The following ZNF486 variants were observed in gnomAD, a reference collection of about 807,000 sequenced individuals.
The protein encoded by ZNF486 is zinc finger protein 486.
A neutral mutation model predicts 12.8 loss-of-function variants in ZNF486; 12 were observed. The ratio of observed to expected loss-of-function variants is 0.94; its 90% confidence interval spans 0.60 to 1.52. The LOEUF is 1.52. Among genes scored for constraint, ZNF486 ranks in the 40% most tolerant of loss-of-function variants. ZNF486 has a pLI of 0.00. For synonymous variants in ZNF486, 231 were observed against 184.9 expected (o/e 1.25, Z -2.02); for missense variants, 738 against 545.0 (o/e 1.35, Z -3.53).
chr19:20,180,737 G>A (rs1056498929), intron 1 of ZNF486, among the ~76,000 whole-genome samples: 17 of 151,990 alleles, frequency 1.1e-4, no homozygotes, highest in African/African-American at 4.1e-4. Context: ...CTGTGGTCAG[G>A]CTGGTCTTGA....
At chr19:20,168,932 C>T (rs1247150576) in intron 1 of ZNF486, among the ~76,000 whole-genome samples, 1 of 151,922 alleles carries the variant, frequency 6.6e-6, no homozygotes, top group South Asian at 2.1e-4. Flanking sequence ...CCTCCGCCTC[C>T]GGGGTTCAAG....
chr19:20,175,123 TCTG>T (rs2089691346), intron 1 of ZNF486: 1 of 152,156 alleles, frequency 6.6e-6, no homozygotes, highest in Non-Finnish European at 1.5e-5. Context: ...TAAAAATTCT[TCTG>T]AAAATCTGCC....
intron 3 of ZNF486, among the ~76,000 whole-genome samples, chr19:20,195,419 T>G (rs782312027): frequency 6.6e-6 from 1 of 152,194 alleles, no homozygotes; most frequent in African/African-American, 2.4e-5. Flanking sequence ...TTTCCCACCT[T>G]GATCTTCCAG....
At chr19:20,186,430 A>G (rs2122660995) in intron 3 of ZNF486, among the ~76,000 whole-genome samples, 1 of 152,160 alleles carries the variant, frequency 6.6e-6, no homozygotes, top group Middle Eastern at 3.4e-3. Context: ...GAGAAACTAA[A>G]ACCCTTTTTT....
chr19:20,197,844 C>T lies in ZNF486; in HGVS notation c.1134C>T (p.Tyr378=). ...HKIIHTGEKP[Y]KCEECGKAFT... ...TAATTCATACTGGAGAGAAACCATA[C>T]AAATGTGAAGAATGTGGCAAAGCCT... The change falls in exon 4 of 4, where the codon TAC becomes TAT. Residue 378 remains tyrosine, a synonymous_variant. Coordinates refer to ENST00000335117, the MANE Select transcript of ZNF486 (RefSeq NM_052852.4). 6.2e-7 allele frequency: 1 copy of T among 1,613,414 alleles called. No homozygotes were observed. The highest frequency in any genetic ancestry group is 8.5e-7 in the Non-Finnish European group (1 of 1,179,930).
intron 3 of ZNF486, among the ~76,000 whole-genome samples, chr19:20,186,333 G>T (rs1035953746): frequency 3.3e-5 from 5 of 152,118 alleles, no homozygotes; most frequent in Admixed American, 2.0e-4. Flanking sequence ...CAGTGAGAGC[G>T]AAATTCCTCT....
At chr19:20,185,196 A>G (rs2089829075) in intron 2 of ZNF486, among the ~76,000 whole-genome samples, 1 of 152,078 alleles carries the variant, frequency 6.6e-6, no homozygotes, top group Non-Finnish European at 1.5e-5. Context: ...CTCTTCGTAG[A>G]TTTTTATTGT....
At chr19:20,194,258 T>C (rs1356552846) in intron 3 of ZNF486, among the ~76,000 whole-genome samples, 1 of 152,248 alleles carries the variant, frequency 6.6e-6, no homozygotes, top group Admixed American at 6.5e-5. Flanking sequence ...CTTTGATGTG[T>C]ATGGTGTATG....
At chr19:20,195,530 G>T (rs1013352289) in intron 3 of ZNF486, among the ~76,000 whole-genome samples, 1 of 152,024 alleles carries the variant, frequency 6.6e-6, no homozygotes, top group Admixed American at 6.6e-5. Flanking sequence ...CTTTTGAAAA[G>T]TTTATAATTT....
chr19:20,168,397 G>A (rs2089608823), intron 1 of ZNF486, among the ~76,000 whole-genome samples: 1 of 152,196 alleles, frequency 6.6e-6, no homozygotes, highest in Non-Finnish European at 1.5e-5. Flanking sequence ...GCTCACGCCT[G>A]TAATCCCAGC....
chr19:20,196,337 AT>A (rs1410903692), intron 3 of ZNF486, among the ~76,000 whole-genome samples: 7 of 151,576 alleles, frequency 4.6e-5, no homozygotes, highest in Non-Finnish European at 1.0e-4. Context: ...TTAAAAAAAA[AT>A]TTTTTTTTGA....
intron 1 of ZNF486, among the ~76,000 whole-genome samples, chr19:20,174,481 C>T (rs143559512): frequency 3.3e-4 from 50 of 152,022 alleles, no homozygotes; most frequent in South Asian, 8.3e-4. Context: ...TGCTGCCTCC[C>T]GGGTTCAAGC....
In ZNF486 at chr19:20,196,393, A is replaced by G. The variant is rs145692048; in HGVS notation, c.254-571A>G. Among the ~76,000 whole-genome samples the G allele has an allele frequency of 6.5e-3, 983 of 152,244 alleles. 13 individuals are homozygous for G. The highest frequency in any genetic ancestry group is 0.021 in the African/African-American group (873 of 41,530). ...GCCCAGGCCGGAGTGCAGTGGTGCA[A>G]TCTTGGCTTACTGCAACCTCCGTCT... On this transcript the variant is annotated intron_variant, in intron 3 of 3. Coordinates refer to ENST00000335117, the MANE Select transcript of ZNF486 (RefSeq NM_052852.4).
intron 1 of ZNF486, among the ~76,000 whole-genome samples, chr19:20,172,354 G>A (rs1254600123): frequency 6.6e-6 from 1 of 150,636 alleles, no homozygotes; most frequent in African/African-American, 2.5e-5. Context: ...TGCCCAGACT[G>A]GATTGCAATA....
intron 1 of ZNF486, among the ~76,000 whole-genome samples, chr19:20,181,676 C>T (rs1280939060): frequency 6.6e-6 from 1 of 152,102 alleles, no homozygotes; most frequent in African/African-American, 2.4e-5. Flanking sequence ...AGTAGTTGCT[C>T]CACAAGTCAC....
intron 3 of ZNF486, among the ~76,000 whole-genome samples, chr19:20,186,483 A>G (rs1254918213): frequency 1.3e-5 from 2 of 152,062 alleles, no homozygotes; most frequent in East Asian, 3.9e-4. Context: ...TGACAGTATT[A>G]GTTTTTGTTG....
Position 20,199,329 on chromosome 19 carries a change from T to A in ZNF486, c.*1227T>A, listed in dbSNP as rs1327314965. The A allele has an allele frequency of 6.6e-6, 1 of 152,208 alleles. No homozygotes were observed. The highest frequency in any genetic ancestry group is 6.6e-5 in the Admixed American group (1 of 15,262). The allele number at this position is 152,208 out of a possible 1,614,324, so 9.4% of individuals were successfully genotyped here. Reference sequence around the variant, plus strand: ...ATTACAGATCTTATTGCCCGCGTTTTGTATTAGAAGGAAACCCTAAAGCGG... The same window carrying A: ...ATTACAGATCTTATTGCCCGCGTTTAGTATTAGAAGGAAACCCTAAAGCGG... On this transcript the variant is annotated 3_prime_UTR_variant, in exon 4 of 4. Coordinates refer to ENST00000335117, the MANE Select transcript of ZNF486 (RefSeq NM_052852.4).
intron 3 of ZNF486, among the ~76,000 whole-genome samples, chr19:20,187,980 C>G (rs1335146529): frequency 6.6e-6 from 1 of 152,014 alleles, no homozygotes; most frequent in Non-Finnish European, 1.5e-5. Context: ...AGTTGTACTT[C>G]TCATTTTATT....
At chr19:20,186,608 G>A (rs1555716495) in intron 3 of ZNF486, among the ~76,000 whole-genome samples, 2 of 151,806 alleles carry the variant, frequency 1.3e-5, no homozygotes, top group African/African-American at 4.8e-5. Flanking sequence ...TTTTCCTCAA[G>A]ATTGCTTTGG....
Sources: allele counts gnomAD v4.1 joint callset (sites outside exome capture counted in the v4.1 genomes callset), GRCh38; gene constraint gnomAD v4.1.1; transcripts MANE v1.5; gene names NCBI Gene and HGNC (gene_info 2026-07-23, HGNC 2026-07-21).